The following LRRTM4 variants were observed in gnomAD, a reference collection of about 807,000 sequenced individuals.
The protein encoded by LRRTM4 is leucine rich repeat transmembrane neuronal 4.
A neutral mutation model predicts 47.6 loss-of-function variants in LRRTM4; 25 were observed. The observed-to-expected ratio is 0.53, with a 90% confidence interval of 0.38 to 0.73. The LOEUF is 0.73. Ranked by LOEUF, LRRTM4 falls within the 30% of genes least tolerant of loss-of-function variation. The pLI, the probability that LRRTM4 is intolerant of heterozygous loss-of-function variation, is 0.00. For synonymous variants in LRRTM4, 311 were observed against 269.5 expected (o/e 1.15, Z -1.51); for missense variants, 638 against 713.4 (o/e 0.89, Z 1.20).
intron 3 of LRRTM4, among the ~76,000 whole-genome samples, chr2:76,847,056 T>C (rs1671856345): frequency 6.6e-6 from 1 of 152,178 alleles, no homozygotes; most frequent in Non-Finnish European, 1.5e-5. Context: ...ACCAGTGCTC[T>C]CCAGATAGAT....
In LRRTM4 at chr2:76,757,174, T is replaced by C. The variant is rs1404022194; in HGVS notation, c.1552-8258A>G. Among the ~76,000 whole-genome samples the C allele has an allele frequency of 2.6e-5, 4 of 152,260 alleles. No homozygotes were observed. The East Asian group carries it at 7.7e-4, about 29-fold the overall frequency. ...TGTACAATACTCAACACACTAGATGTTGGCTTTTTACACTGATTGGACTAT... is the reference window on the plus strand; with the variant it reads ...TGTACAATACTCAACACACTAGATGCTGGCTTTTTACACTGATTGGACTAT... On this transcript the variant is annotated intron_variant, in intron 3 of 3. Transcript: ENST00000409884.
intron 3 of LRRTM4, among the ~76,000 whole-genome samples, chr2:77,394,840 G>T (rs1438372439): frequency 6.6e-6 from 1 of 151,888 alleles, no homozygotes; most frequent in Non-Finnish European, 1.5e-5. Flanking sequence ...ACCAGGCCAG[G>T]GTTGGTGGTC....
intron 3 of LRRTM4, among the ~76,000 whole-genome samples, chr2:77,214,992 T>A (rs1334978154): frequency 1.3e-5 from 2 of 152,172 alleles, no homozygotes; most frequent in African/African-American, 4.8e-5. Flanking sequence ...TGTCTTATGC[T>A]ATACCTAGTA....
At chr2:77,071,544 A>G (rs568278188) in intron 3 of LRRTM4, among the ~76,000 whole-genome samples, 1 of 152,332 alleles carries the variant, frequency 6.6e-6, no homozygotes, top group East Asian at 1.9e-4. Context: ...AAGGAAGACT[A>G]ACAATAGCAA....
intron 3 of LRRTM4, among the ~76,000 whole-genome samples, chr2:77,190,617 TA>T (rs1429563511): frequency 6.6e-6 from 1 of 152,110 alleles, no homozygotes; most frequent in Non-Finnish European, 1.5e-5. Flanking sequence ...CATTTTCTTT[TA>T]AACTAGGAAT....
At chr2:76,909,823 A>G (rs568877297) in intron 3 of LRRTM4, among the ~76,000 whole-genome samples, 65 of 152,284 alleles carry the variant, frequency 4.3e-4, no homozygotes, top group African/African-American at 1.1e-3. Flanking sequence ...TTAGAATGGC[A>G]ATCATTAAAA....
chr2:77,443,453 G>A (rs910995331), intron 3 of LRRTM4, among the ~76,000 whole-genome samples: 2 of 152,064 alleles, frequency 1.3e-5, no homozygotes, highest in African/African-American at 4.8e-5. Context: ...GAAAATACAC[G>A]GATAGGCTGT....
chr2:77,195,510 G>A (rs1412445194), intron 3 of LRRTM4, among the ~76,000 whole-genome samples: 1 of 151,966 alleles, frequency 6.6e-6, no homozygotes, highest in African/African-American at 2.4e-5. Context: ...AAAGTCAATA[G>A]TTTATTCAAA....
intron 3 of LRRTM4, among the ~76,000 whole-genome samples, chr2:77,211,362 C>A (rs1365019423): frequency 6.6e-6 from 1 of 152,132 alleles, no homozygotes; most frequent in African/African-American, 2.4e-5. Flanking sequence ...TTTGGCTTCT[C>A]CTAGCCTCCT....
At position 76,815,264 on chromosome 2, in the gene LRRTM4, G is replaced by A. The variant is rs7355587; in HGVS notation, c.1552-66348C>T. Among the ~76,000 whole-genome samples the A allele has an allele frequency of 7.3e-3, 1,105 of 152,128 alleles. 10 individuals carry two copies. The highest frequency in any genetic ancestry group is 0.025 in the African/African-American group (1,047 of 41,530). Reference sequence around the variant, plus strand: ...TGAATTAGGTAGATGTTTCTTGCTCGCCAGTGTCAGAAAACTAACCCAAAG... The same window carrying A: ...TGAATTAGGTAGATGTTTCTTGCTCACCAGTGTCAGAAAACTAACCCAAAG... On this transcript the variant is annotated intron_variant, in intron 3 of 3. Transcript: ENST00000409884.
intron 3 of LRRTM4, among the ~76,000 whole-genome samples, chr2:76,824,128 A>G (rs1178929246): frequency 1.3e-5 from 2 of 151,586 alleles, no homozygotes; most frequent in African/African-American, 4.8e-5. Flanking sequence ...CATAAAAATA[A>G]TTCCTATCTA....
At chr2:77,139,864 C>G (rs1419697796) in intron 3 of LRRTM4, among the ~76,000 whole-genome samples, 1 of 152,086 alleles carries the variant, frequency 6.6e-6, no homozygotes, top group Non-Finnish European at 1.5e-5. Context: ...TGAGTGAACT[C>G]CCATTCACAA....
intron 3 of LRRTM4, among the ~76,000 whole-genome samples, chr2:76,912,300 A>G (rs1044809426): frequency 1.2e-4 from 18 of 152,316 alleles, no homozygotes; most frequent in African/African-American, 3.8e-4. Flanking sequence ...TTTCGTTACC[A>G]AGACTCATTT....
rs115062009 is a variant in LRRTM4, at chr2:77,495,498, C to T, written c.1551+22820G>A. ...GTAAGGTCACCATTAATTTTTCCTA[C>T]GTTTTATTCTAGAATTTTTATGGTT... On this transcript the variant is annotated intron_variant, in intron 3 of 3. Coordinates refer to ENST00000409884, the MANE Select transcript of LRRTM4 (RefSeq NM_001134745.3). 4.6e-3 allele frequency among the ~76,000 whole-genome samples: 692 copies of T among 152,006 alleles called. 3 individuals are homozygous for T. Among genetic ancestry groups the T allele is most frequent in the African/African-American group, 0.016 (657 of 41,502 alleles).
At chr2:77,360,655 G>A (rs1244383288) in intron 3 of LRRTM4, among the ~76,000 whole-genome samples, 1 of 151,952 alleles carries the variant, frequency 6.6e-6, no homozygotes, top group Admixed American at 6.6e-5. Flanking sequence ...TTCCCTAAAC[G>A]TCTCCTTAGT....
chr2:77,143,177 T>G (rs931420669), intron 3 of LRRTM4, among the ~76,000 whole-genome samples: 1 of 152,156 alleles, frequency 6.6e-6, no homozygotes, highest in Non-Finnish European at 1.5e-5. Flanking sequence ...CATTTTACAG[T>G]TGGACATCTT....
chr2:77,232,082 A>G (rs1023234173), intron 3 of LRRTM4, among the ~76,000 whole-genome samples: 5 of 152,136 alleles, frequency 3.3e-5, no homozygotes, highest in Non-Finnish European at 5.9e-5. Flanking sequence ...TTTCCACATC[A>G]ACTTCTTGTA....
Position 77,271,526 on chromosome 2 carries a change from G to A in LRRTM4, c.1551+246792C>T, listed in dbSNP as rs377380178. Among the ~76,000 whole-genome samples, 24 of 152,258 alleles carry A rather than the reference G, an allele frequency of 1.6e-4. No homozygotes were observed. In the South Asian group the frequency reaches 4.3e-3, roughly 28 times the overall value. On this transcript the variant is annotated intron_variant, in intron 3 of 3. Coordinates refer to ENST00000409884, the MANE Select transcript of LRRTM4 (RefSeq NM_001134745.3). ...CTCCCAAAAGAGGTTGAGTGCGGGG[G>A]GCCAAGTAGAGGGGGCACCCCTGCT...
At chr2:77,070,333 G>C (rs531951322) in intron 3 of LRRTM4, among the ~76,000 whole-genome samples, 2 of 152,162 alleles carry the variant, frequency 1.3e-5, no homozygotes, top group East Asian at 3.9e-4. Flanking sequence ...ACTTTTGCCA[G>C]TTTTTGAGTT....
Sources: allele counts gnomAD v4.1 joint callset (sites outside exome capture counted in the v4.1 genomes callset), GRCh38; gene constraint gnomAD v4.1.1; transcripts MANE v1.5; gene names NCBI Gene and HGNC (gene_info 2026-07-23, HGNC 2026-07-21).